Variants in MATN3 observed in about 807,000 individuals in gnomAD.
The protein encoded by MATN3 is matrilin-3.
In MATN3, 48 loss-of-function variants were observed where a neutral mutation model predicts 45.3. That is an observed-to-expected ratio of 1.06 (90% CI 0.84 to 1.35). The LOEUF (loss-of-function observed/expected upper bound fraction) is 1.35. Ranked by LOEUF, MATN3 falls within the 40% of genes most tolerant of loss-of-function variation. The pLI is 0.00. For missense variants in MATN3, 599 were observed against 628.0 expected (o/e 0.95, Z 0.49); for synonymous variants, 217 against 245.9 (o/e 0.88, Z 1.10).
intron 2 of MATN3, 101 bp from the exon 3 acceptor site, chr2:20,003,387 G>T: frequency 4.2e-6 from 5 of 1,176,996 alleles, no homozygotes; most frequent in South Asian, 2.0e-5. Flanking sequence ...TCCTTTCCGA[G>T]TCCATCTTTA....
chr2:19,994,155 T>G lies in MATN3; in HGVS notation c.1405+144A>C. The G allele has an allele frequency of 5.1e-6, 3 of 586,748 alleles. No homozygotes were observed. The East Asian group carries it at 9.0e-5, about 18-fold the overall frequency. 36.3% of individuals were successfully genotyped at this position (586,748 alleles called of 1,614,324 possible). On this transcript the variant is annotated intron_variant, in intron 7 of 7. Coordinates refer to ENST00000407540, the MANE Select transcript of MATN3 (RefSeq NM_002381.5). ...TAAACCATTAGAAAAGAACTCTAAA[T>G]TTTTTAAAGTTGTATATTACCACTG... is the stretch of plus-strand genomic sequence containing the variant.
chr2:19,994,227 T>TA lies in MATN3; in HGVS notation c.1405+71dup, dbSNP rs899015104. 7.1e-5 allele frequency: 65 copies of TA among 912,114 alleles called. No homozygotes were observed. In the African/African-American group the frequency reaches 9.4e-4, roughly 13 times the overall value. The allele number at this position is 912,114 out of a possible 1,614,324, so 56.5% of individuals were successfully genotyped here. On this transcript the variant is annotated intron_variant, in intron 7 of 7. Transcript: ENST00000407540. ...TAAGTCACTTGCCTGTGGAATGTCT[T>TA]AAAGTGTTTGGCTCGATCGTAGTAC... is the stretch of plus-strand genomic sequence containing the variant.
At chr2:20,009,448 G>A (rs1312089101) in intron 1 of MATN3, among the ~76,000 whole-genome samples, 1 of 152,016 alleles carries the variant, frequency 6.6e-6, no homozygotes, top group African/African-American at 2.4e-5. Context: ...ATGGACATAG[G>A]GAGGGGAACA....
chr2:20,003,342 C>A, intron 2 of MATN3, 56 bp from the exon 3 acceptor site: 2 of 1,510,470 alleles, frequency 1.3e-6, no homozygotes, highest in Non-Finnish European at 1.8e-6. Flanking sequence ...ATCTCAGATA[C>A]CGTCTCCCAT....
At chr2:20,001,864 C>A in intron 4 of MATN3, 91 bp downstream of exon 4, 1 of 1,294,174 alleles carries the variant, frequency 7.7e-7, no homozygotes, top group Non-Finnish European at 1.1e-6. Flanking sequence ...GAAAACACAC[C>A]AACTTCCCAG....
intron 1 of MATN3, among the ~76,000 whole-genome samples, chr2:20,009,535 G>A (rs1673177232): frequency 6.6e-6 from 1 of 152,116 alleles, no homozygotes; most frequent in African/African-American, 2.4e-5. Flanking sequence ...TCTATGTGGG[G>A]CTTAAAACCT....
Position 19,999,809 on chromosome 2 carries a change from C to T in MATN3, c.1168+632G>A, listed in dbSNP as rs146616054. Among the ~76,000 whole-genome samples the T allele has an allele frequency of 2.2e-3, 328 of 152,180 alleles. 2 individuals carry two copies. The highest frequency in any genetic ancestry group is 0.012 in the South Asian group (59 of 4,814). ...GGAATTTCTCTCAGGAGTGTTTTTA[C>T]ATTTATAAATGCCACCCTGTCCTGC... On this transcript the variant is annotated intron_variant, in intron 5 of 7. Transcript: ENST00000407540.
chr2:19,994,253 C>T (rs895718283), intron 7 of MATN3, 46 bp downstream of exon 7: 5 of 1,263,316 alleles, frequency 4.0e-6, no homozygotes, highest in Non-Finnish European at 5.7e-6. Flanking sequence ...ATCGTAGTAC[C>T]TTGGTTGGCT....
rs909304101 is a variant in MATN3, at chr2:20,012,299, C to T, written c.223+110G>A. The T allele has an allele frequency of 1.2e-5, 10 of 851,352 alleles. No homozygotes were observed. The African/African-American group carries it at 1.6e-4, about 13-fold the overall frequency. The allele number at this position is 851,352 out of a possible 1,614,324, so 52.7% of individuals were successfully genotyped here. On this transcript the variant is annotated intron_variant, in intron 1 of 7. Transcript: ENST00000407540. This position sits in a 1 kb window ranked among gnomAD's most constrained non-coding sequence, Gnocchi z 4.3. ...CACAGGATTCATCCGGGAGGGGCCT[C>T]TTTCCCCCGCACCACGGTCGGCCTG... is the stretch of plus-strand genomic sequence containing the variant.
At position 20,003,179 on chromosome 2, in the gene MATN3, C is replaced by T. The variant is rs751324206; in HGVS notation, c.898G>A (p.Asp300Asn). The T allele has an allele frequency of 2.5e-5, 40 of 1,613,950 alleles. No individual in the cohort carries two copies. The East Asian group carries it at 5.3e-4, about 22-fold the overall frequency. ...ECSQGYTLNA[D>N]KKTCSALDRC... ...GCCTCACCTGAACACGTTTTCTTGT[C>T]GGCATTCAAGGTGTATCCTTGGCTA... The change falls in exon 3 of 8, where the codon GAC becomes AAC. Residue 300 changes from aspartate to asparagine, a missense_variant. By Grantham distance (23) the Asp-to-Asn change is conservative. Coordinates refer to ENST00000407540, the MANE Select transcript of MATN3 (RefSeq NM_002381.5).
chr2:20,004,701 C>T (rs529197571), intron 2 of MATN3, among the ~76,000 whole-genome samples: 1 of 152,238 alleles, frequency 6.6e-6, no homozygotes, highest in African/African-American at 2.4e-5. Context: ...ATTTGTTTGT[C>T]TCACCCCCAC....
At chr2:20,004,149 A>G (rs1572384812) in intron 2 of MATN3, 1 of 152,344 alleles carries the variant, frequency 6.6e-6, no homozygotes, top group East Asian at 1.9e-4. Flanking sequence ...GGACAAGGCT[A>G]ATATTTTCCC....
At position 20,000,646 on chromosome 2, in the gene MATN3, G is replaced by A; in HGVS notation, c.1043-80C>T. 2.2e-6 allele frequency: 3 copies of A among 1,383,334 alleles called. No individual in the cohort carries two copies. In the South Asian group the frequency reaches 4.2e-5, roughly 20 times the overall value. The allele number at this position is 1,383,334 out of a possible 1,614,324, so 85.7% of individuals were successfully genotyped here. A position where few individuals can be genotyped will look rare whatever the true frequency, so the allele number is the denominator to read the frequency against. ...ACCCAGGATAGAAACCTTATTTGCA[G>A]CTGGAAACATATGAGGAAAACTTAC... On this transcript the variant is annotated intron_variant, in intron 4 of 7. Transcript: ENST00000407540.
At chr2:20,003,396 T>C in intron 2 of MATN3, 110 bp from the exon 3 acceptor site, 1 of 1,016,974 alleles carries the variant, frequency 9.8e-7, no homozygotes, top group Non-Finnish European at 1.4e-6. Context: ...AGTCCATCTT[T>C]ACTTCACTAT....
In MATN3 at chr2:20,000,454, T is replaced by C. The variant is rs1177820104; in HGVS notation, c.1155A>G (p.Lys385=). 6.2e-7 allele frequency: 1 copy of C among 1,606,690 alleles called. No individual in the cohort carries two copies. Reference sequence around the variant, plus strand: ...AGTGGATCTTACCTGAACATGTTTTTTTATCTGCATTCAGAGTGTAGCCCT... The same window carrying C: ...AGTGGATCTTACCTGAACATGTTTTCTTATCTGCATTCAGAGTGTAGCCCT... ...CYEGYTLNAD[K]KTCSVRDKCA... is the part of the protein sequence containing the mutation. The change falls in exon 5 of 8, where the codon AAA becomes AAG. Residue 385 remains lysine (K), a synonymous_variant. Coordinates refer to ENST00000407540, the MANE Select transcript of MATN3 (RefSeq NM_002381.5).
At chr2:19,994,499 C>A in intron 6 of MATN3, 90 bp from the exon 7 acceptor site, 1 of 779,616 alleles carries the variant, frequency 1.3e-6, no homozygotes, top group Non-Finnish European at 2.1e-6. Context: ...TGAATATTTC[C>A]ACCGTTAAGA....
chr2:20,003,789 G>C (rs1020142718), intron 2 of MATN3, among the ~76,000 whole-genome samples: 2 of 152,180 alleles, frequency 1.3e-5, no homozygotes, highest in African/African-American at 4.8e-5. Context: ...TCACAGGTGG[G>C]CAGTGGTACA....
At chr2:20,003,415 G>T in intron 2 of MATN3, 129 bp from the exon 3 acceptor site, 1 of 893,044 alleles carries the variant, frequency 1.1e-6, no homozygotes, top group Non-Finnish European at 1.6e-6. Flanking sequence ...ATAAAAAAAT[G>T]GTTATTTGTT....
chr2:19,997,440 C>A, intron 5 of MATN3, 181 bp from the exon 6 acceptor site: 1 of 554,444 alleles, frequency 1.8e-6, no homozygotes, highest in South Asian at 2.4e-5. Context: ...TACCTCTCAT[C>A]CCTTTGGCCT....
Sources: allele counts gnomAD v4.1 joint callset (sites outside exome capture counted in the v4.1 genomes callset), GRCh38; gene constraint gnomAD v4.1.1; non-coding constraint Gnocchi (gnomAD v3.1); transcripts MANE v1.5; gene names NCBI Gene and HGNC (gene_info 2026-07-23, HGNC 2026-07-21).